Variants in DMXL1 observed in about 807,000 individuals in gnomAD.
DMXL1 encodes the protein Dmx like 1, also known as dmX-like protein 1.
Under a neutral mutation model 319.2 loss-of-function variants are expected in DMXL1, and 99 were observed. The ratio of observed to expected loss-of-function variants is 0.31; its 90% CI spans 0.26 to 0.37. The LOEUF (loss-of-function observed/expected upper bound fraction) is 0.37. DMXL1 is among the 10% of genes least tolerant of loss of function. DMXL1 has a pLI of 1.00. For synonymous variants in DMXL1, 1,385 were observed against 1,235.2 expected (o/e 1.12, Z -2.54); for missense variants, 3,745 against 3,595.6 (o/e 1.04, Z -1.06).
At chr5:119,132,712 G>T (rs531135038) in intron 10 of DMXL1, 55 of 487,878 alleles carry the variant, frequency 1.1e-4, no homozygotes, top group African/African-American at 1.0e-3. Context: ...CCTTTTCTGG[G>T]TTGACAATTA....
At chr5:119,237,954 G>GA (rs1289442820) in intron 40 of DMXL1, among the ~76,000 whole-genome samples, 12 of 151,936 alleles carry the variant, frequency 7.9e-5, no homozygotes, top group Admixed American at 1.3e-4. Context: ...ATTCCTATCA[G>GA]AAAAAAAGTT....
At chr5:119,101,084 C>A (rs930654457) in intron 2 of DMXL1, among the ~76,000 whole-genome samples, 1 of 152,020 alleles carries the variant, frequency 6.6e-6, no homozygotes, top group African/African-American at 2.4e-5. Context: ...GCCGGCCTTA[C>A]ACCTGTTTTC....
rs1580918689 is a variant in DMXL1 at position 119,133,187 on chromosome 5, C to T, written c.1371C>T (p.Gly457=). The T allele has an allele frequency of 6.2e-7, 1 of 1,614,122 alleles. No homozygotes were observed. The highest frequency in any genetic ancestry group is 8.5e-7 in the Non-Finnish European group (1 of 1,180,000). ...LKINPEKKEL[G]CDKMVPNSSF... ...TAAATCCCGAAAAGAAGGAATTAGG[C>T]TGTGATAAAATGGTACCAAACTCAA... is the stretch of plus-strand genomic sequence containing the variant. The change falls in exon 11 of 44, where the codon GGC becomes GGT. Residue 457 remains glycine, a synonymous_variant. Coordinates refer to ENST00000539542, the MANE Select transcript of DMXL1 (RefSeq NM_001290321.3).
At chr5:119,105,311 C>T (rs2149816088) in intron 4 of DMXL1, 53 bp downstream of exon 4, 5 of 1,412,966 alleles carry the variant, frequency 3.5e-6, no homozygotes, top group Non-Finnish European at 5.0e-6. Flanking sequence ...CCTAGTTGTT[C>T]TTATTTTTAT....
At chr5:119,088,363 T>G (rs911068338) in intron 1 of DMXL1, among the ~76,000 whole-genome samples, 1 of 152,192 alleles carries the variant, frequency 6.6e-6, no homozygotes, top group Non-Finnish European at 1.5e-5. Flanking sequence ...GGGTTTCTTG[T>G]GGGCAGTATA....
chr5:119,129,418 A>T lies in DMXL1; in HGVS notation c.1310A>T (p.Asp437Val). The T allele has an allele frequency of 6.2e-7, 1 of 1,600,910 alleles. No individual in the cohort carries two copies. Among genetic ancestry groups the T allele is most frequent in the South Asian group, 1.1e-5 (1 of 87,722 alleles). Residue 437 changes from aspartate to valine, a missense_variant, in exon 10 of 44, where the codon GAT (aspartate) becomes GTT (valine). Asp to Val is a radical substitution (Grantham distance 152). Coordinates refer to ENST00000539542, the MANE Select transcript of DMXL1 (RefSeq NM_001290321.3). ...EDSNQADVKS[D>V]EETDDGVDDL... ...TCTAATCAGGCAGATGTAAAATCTG[A>T]TGAAGGTAAACTTTAAGAGGAAAGG...
chr5:119,076,134 T>G (rs914050872), intron 1 of DMXL1, among the ~76,000 whole-genome samples: 11 of 152,204 alleles, frequency 7.2e-5, no homozygotes, highest in Non-Finnish European at 1.3e-4. Flanking sequence ...AACTTAAACA[T>G]CTTAGCTATG....
intron 1 of DMXL1, among the ~76,000 whole-genome samples, chr5:119,077,361 A>G (rs1257556218): frequency 6.6e-6 from 1 of 151,406 alleles, no homozygotes; most frequent in Non-Finnish European, 1.5e-5. Context: ...AACCTTCTAT[A>G]TTATAGTCAG....
chr5:119,174,031 C>T (rs962347914), intron 25 of DMXL1, among the ~76,000 whole-genome samples: 1 of 151,722 alleles, frequency 6.6e-6, no homozygotes, highest in Non-Finnish European at 1.5e-5. Flanking sequence ...ACAGGAAAAG[C>T]AATGACCCAG....
At position 119,220,570 on chromosome 5, in the gene DMXL1, T is replaced by C; in HGVS notation, c.8112T>C (p.Asp2704=). ...LATQVYTWVD[D]DIEVETKGSE... ...CACAGGTCTACACTTGGGTAGATGA[T>C]GATATAGAAGTGGAAACCAAAGGGT... The change falls in exon 36 of 44, where the codon GAT becomes GAC. Residue 2704 remains aspartate, a synonymous_variant. Transcript: ENST00000539542. The C allele has an allele frequency of 6.2e-7, 1 of 1,613,808 alleles. No homozygotes were observed. Among genetic ancestry groups the C allele is most frequent in the Non-Finnish European group, 8.5e-7 (1 of 1,179,868 alleles).
At chr5:119,118,626 G>T (rs1761366223) in intron 7 of DMXL1, among the ~76,000 whole-genome samples, 189 bp from the exon 8 acceptor site, 1 of 152,118 alleles carries the variant, frequency 6.6e-6, no homozygotes, top group East Asian at 1.9e-4. Context: ...ATTGAAACAA[G>T]AACTACTGAA....
In DMXL1 at chr5:119,178,030, T is replaced by A; in HGVS notation, c.6921T>A (p.Ser2307=). The A allele has an allele frequency of 6.2e-7, 1 of 1,610,320 alleles. No individual in the cohort carries two copies. Among genetic ancestry groups the A allele is most frequent in the Middle Eastern group, 1.7e-4 (1 of 6,040 alleles). The part of the protein sequence containing the change: ...ITCLIRLLNS[S]GEEAQSGLTV... ...GTCTAATTCGACTTTTGAATTCTTCTGGCGAGGAAGCCCAGTCAGGGCTTA... is the reference window on the plus strand; with the variant it reads ...GTCTAATTCGACTTTTGAATTCTTCAGGCGAGGAAGCCCAGTCAGGGCTTA... Residue 2307 remains serine, a synonymous_variant, in exon 28 of 44, where the codon TCT becomes TCA. Coordinates refer to ENST00000539542, the MANE Select transcript of DMXL1 (RefSeq NM_001290321.3).
intron 1 of DMXL1, among the ~76,000 whole-genome samples, chr5:119,084,575 G>A (rs762339496): frequency 6.6e-6 from 1 of 151,944 alleles, no homozygotes; most frequent in African/African-American, 2.4e-5. Flanking sequence ...TGGAAAAAAC[G>A]ATCCTTGGCT....
intron 1 of DMXL1, among the ~76,000 whole-genome samples, chr5:119,085,297 A>G (rs950298294): frequency 6.6e-6 from 1 of 151,998 alleles, no homozygotes; most frequent in Non-Finnish European, 1.5e-5. Flanking sequence ...GTGCCACTGC[A>G]CTCCAGCCTG....
chr5:119,170,103 G>T, intron 23 of DMXL1, 87 bp from the exon 24 acceptor site: 1 of 1,365,372 alleles, frequency 7.3e-7, no homozygotes, highest in Non-Finnish European at 9.8e-7. Context: ...TTTAGATAAA[G>T]GTGTCATAGT....
chr5:119,085,192 A>G (rs1753086095), intron 1 of DMXL1, among the ~76,000 whole-genome samples: 1 of 151,870 alleles, frequency 6.6e-6, no homozygotes, highest in Non-Finnish European at 1.5e-5. Flanking sequence ...TTAGCCAGGC[A>G]TGGTGGTGTG....
chr5:119,194,001 T>TA (rs1779158986), intron 30 of DMXL1, 31 bp downstream of exon 30: 1 of 1,409,460 alleles, frequency 7.1e-7, no homozygotes, highest in African/African-American at 1.5e-5. Context: ...AATTTCTTTT[T>TA]AAAAATAATG....
At chr5:119,240,971 A>C (rs1430511144) in intron 42 of DMXL1, among the ~76,000 whole-genome samples, 1 of 152,328 alleles carries the variant, frequency 6.6e-6, no homozygotes, top group East Asian at 1.9e-4. Context: ...GTCAATATAC[A>C]GTTGACCCTT....
At chr5:119,097,724 A>G (rs2149780408) in intron 1 of DMXL1, among the ~76,000 whole-genome samples, 1 of 152,318 alleles carries the variant, frequency 6.6e-6, no homozygotes, top group East Asian at 1.9e-4. Context: ...CTCAAAAGAA[A>G]AAATAAAAAA....
Sources: gnomAD v4.1 joint callset for allele counts (sites outside exome capture counted in the v4.1 genomes callset) on GRCh38, gnomAD v4.1.1 for gene constraint, MANE v1.5 for transcripts, NCBI Gene and HGNC (gene_info 2026-07-23, HGNC 2026-07-21) for gene names.